The following DLGAP4 variants were observed in gnomAD, a reference collection of about 807,000 sequenced individuals.
DLGAP4 encodes disks large-associated protein 4.
Under a neutral mutation model 86.9 loss-of-function variants are expected in DLGAP4, and 18 were observed. The observed-to-expected ratio is 0.21, with a 90% CI of 0.14 to 0.31. The LOEUF (loss-of-function observed/expected upper bound fraction) is 0.31. DLGAP4 is among the 10% of genes least tolerant of loss of function. The pLI is 1.00. For missense variants in DLGAP4, 1,085 were observed against 1,362.6 expected, an observed-to-expected ratio of 0.80 and a Z score of 3.21; for synonymous variants, 548 against 574.3, an observed-to-expected ratio of 0.95 and a Z score of 0.65.
intron 1 of DLGAP4, among the ~76,000 whole-genome samples, chr20:36,358,575 G>A (rs2030409666): frequency 6.6e-6 from 1 of 152,214 alleles, no homozygotes; most frequent in Non-Finnish European, 1.5e-5. Flanking sequence ...GGGAGACTGA[G>A]GTGGGCAGAT....
chr20:36,324,610 A>C (rs2065199313), intron 1 of DLGAP4, among the ~76,000 whole-genome samples: 1 of 151,998 alleles, frequency 6.6e-6, no homozygotes, highest in East Asian at 1.9e-4. Context: ...TGGTCTTGGC[A>C]CCCCTTTCGA....
chr20:36,436,559 G>C (rs2033287417), intron 4 of DLGAP4, among the ~76,000 whole-genome samples: 1 of 152,192 alleles, frequency 6.6e-6, no homozygotes, highest in African/African-American at 2.4e-5. Context: ...GCTCACGCCT[G>C]TAATCCCAGC....
intron 10 of DLGAP4, among the ~76,000 whole-genome samples, chr20:36,511,576 A>G (rs1600687769): frequency 6.6e-6 from 1 of 152,036 alleles, no homozygotes; most frequent in South Asian, 2.1e-4. Context: ...GAAATTGATC[A>G]TTTAAAAAAT....
At chr20:36,471,475 C>A (rs2034660050) in intron 7 of DLGAP4, among the ~76,000 whole-genome samples, 1 of 152,096 alleles carries the variant, frequency 6.6e-6, no homozygotes, top group Non-Finnish European at 1.5e-5. Flanking sequence ...GCCTGGGTGA[C>A]AGAGCAAGAC....
intron 6 of DLGAP4, among the ~76,000 whole-genome samples, chr20:36,443,754 G>A (rs762177190): frequency 6.6e-5 from 10 of 152,032 alleles, no homozygotes; most frequent in Non-Finnish European, 1.0e-4. Flanking sequence ...CCTCCCCACC[G>A]ACAGCTCAAG....
chr20:36,326,797 T>C (rs1248834630), intron 1 of DLGAP4, among the ~76,000 whole-genome samples: 1 of 152,098 alleles, frequency 6.6e-6, no homozygotes, highest in Admixed American at 6.5e-5. Context: ...TGAAAAAGTC[T>C]TTATTTTGCC....
At chr20:36,326,996 CTTTT>C (rs377378667) in intron 1 of DLGAP4, among the ~76,000 whole-genome samples, 1 of 99,480 alleles carries the variant, frequency 1.0e-5, no homozygotes, top group African/African-American at 4.5e-5. Flanking sequence ...AAGATTTTCT[CTTTT>C]TTTTTTTTTT....
At position 36,421,998 on chromosome 20, in the gene DLGAP4, G is replaced by A. The variant is rs112970309; in HGVS notation, c.-72-9648G>A. Among the ~76,000 whole-genome samples the A allele has an allele frequency of 2.0e-3, 311 of 152,210 alleles. 1 individual carries two copies. Among genetic ancestry groups the A allele is most frequent in the African/African-American group, 6.6e-3 (273 of 41,522 alleles). ...CACCCGGGTCCTCTAGCATTTAGACGTCAGAGGAGAGAAGCCAGCAAGAGC... is the reference window on the plus strand; with the variant it reads ...CACCCGGGTCCTCTAGCATTTAGACATCAGAGGAGAGAAGCCAGCAAGAGC... On this transcript the variant is annotated intron_variant, in intron 2 of 12. Coordinates refer to ENST00000339266, the MANE Select transcript of DLGAP4 (RefSeq NM_001365621.2).
intron 2 of DLGAP4, among the ~76,000 whole-genome samples, chr20:36,394,359 C>T (rs78356310): frequency 0.013 from 2,031 of 152,196 alleles, 42 homozygotes; most frequent in African/African-American, 0.047. Flanking sequence ...CACTGCCCTG[C>T]GACTCTGCCC....
intron 8 of DLGAP4, chr20:36,498,976 C>T: frequency 2.2e-6 from 1 of 456,978 alleles, no homozygotes; most frequent in Non-Finnish European, 4.0e-6. Context: ...GTAACCTCAG[C>T]CAAGTGTGAA....
chr20:36,470,221 A>G (rs1157357334), intron 7 of DLGAP4, among the ~76,000 whole-genome samples: 1 of 152,126 alleles, frequency 6.6e-6, no homozygotes, highest in African/African-American at 2.4e-5. Flanking sequence ...GTACATGGTC[A>G]GCATTCAAAG....
intron 2 of DLGAP4, among the ~76,000 whole-genome samples, chr20:36,396,676 A>G (rs1471988879): frequency 2.0e-5 from 3 of 151,746 alleles, no homozygotes; most frequent in Non-Finnish European, 4.4e-5. Flanking sequence ...TACCACATAC[A>G]CATACCATGA....
intron 10 of DLGAP4, among the ~76,000 whole-genome samples, chr20:36,504,304 G>A (rs888243061): frequency 2.6e-5 from 4 of 151,972 alleles, no homozygotes; most frequent in African/African-American, 7.3e-5. Flanking sequence ...AATTTTCCTC[G>A]TCCTTTTGTG....
intron 1 of DLGAP4, among the ~76,000 whole-genome samples, chr20:36,315,283 G>A (rs1876143126): frequency 1.3e-5 from 2 of 151,938 alleles, no homozygotes; most frequent in Non-Finnish European, 1.5e-5. Context: ...ACCCAGGAGA[G>A]CTAAGAGGAG....
intron 2 of DLGAP4, among the ~76,000 whole-genome samples, chr20:36,392,904 G>T (rs915029886): frequency 2.0e-5 from 3 of 152,142 alleles, no homozygotes; most frequent in African/African-American, 7.2e-5. Flanking sequence ...CTCTGAGGAG[G>T]TGACACTTGG....
intron 1 of DLGAP4, among the ~76,000 whole-genome samples, chr20:36,318,946 C>A (rs2065138892): frequency 6.6e-6 from 1 of 152,036 alleles, no homozygotes; most frequent in Admixed American, 6.6e-5. Flanking sequence ...GAGATGGAGA[C>A]CATCCTGACC....
rs896701762 is a variant in DLGAP4 at position 36,488,185 on chromosome 20, G to GT, written c.1649-8519dup. Among the ~76,000 whole-genome samples the GT allele has an allele frequency of 1.1e-4, 17 of 149,388 alleles. 1 individual carries two copies. Among genetic ancestry groups the GT allele is most frequent in the Admixed American group, 7.4e-4 (11 of 14,964 alleles). On this transcript the variant is annotated intron_variant, in intron 7 of 12. Transcript: ENST00000339266. Reference sequence around the variant, plus strand: ...ACTGCACTCCAGCCTGGGCAACAGAGTGAGACTCTGTCTCAAAAAAAAAAA... The same window carrying GT: ...ACTGCACTCCAGCCTGGGCAACAGAGTTGAGACTCTGTCTCAAAAAAAAAAA...
At position 36,350,216 on chromosome 20, in the gene DLGAP4, A is replaced by T. The variant is rs2030105804; in HGVS notation, c.-303-16829A>T. 6.6e-6 allele frequency among the ~76,000 whole-genome samples: 1 copy of T among 152,184 alleles called. No homozygotes were observed. The highest frequency in any genetic ancestry group is 1.5e-5 in the Non-Finnish European group (1 of 68,026). On this transcript the variant is annotated intron_variant, in intron 1 of 12. Coordinates refer to ENST00000339266, the MANE Select transcript of DLGAP4 (RefSeq NM_001365621.2). The surrounding 1 kb of genome is among the most constrained non-coding windows in gnomAD (Gnocchi z 4.4). ...CGTCCCCCGAGCTCAGCTTGCCCTT[A>T]GGCCCCCCAGCCCTTCGGCATCAGT...
At chr20:36,402,304 T>G (rs1159400711) in intron 2 of DLGAP4, among the ~76,000 whole-genome samples, 1 of 152,202 alleles carries the variant, frequency 6.6e-6, no homozygotes, top group Non-Finnish European at 1.5e-5. Flanking sequence ...CAAGTCACTT[T>G]GCTTCTCTGG....
Sources: gnomAD v4.1 joint callset for allele counts (sites outside exome capture counted in the v4.1 genomes callset) on GRCh38, gnomAD v4.1.1 for gene constraint, Gnocchi (gnomAD v3.1) non-coding constraint, MANE v1.5 for transcripts, NCBI Gene and HGNC (gene_info 2026-07-23, HGNC 2026-07-21) for gene names.